SNTG1: variants seen among roughly 807,000 people sequenced by gnomAD.
The protein encoded by SNTG1 is syntrophin gamma 1, also known as gamma-1-syntrophin.
In SNTG1, 39 loss-of-function variants were observed where a neutral mutation model predicts 74.7. That is an observed-to-expected ratio of 0.52 (90% CI 0.40 to 0.68). SNTG1 has a LOEUF of 0.68. Ranked by LOEUF, SNTG1 falls within the 30% of genes least tolerant of loss-of-function variation. The probability of loss-of-function intolerance (pLI) is 0.00; values close to 1 mark genes in which losing one functional copy is unlikely to be tolerated. For synonymous variants in SNTG1, 254 were observed against 217.1 expected (o/e 1.17, Z -1.49); for missense variants, 685 against 609.5 (o/e 1.12, Z -1.30).
intron 1 of SNTG1, among the ~76,000 whole-genome samples, chr8:49,984,393 C>T (rs556198969): frequency 4.2e-4 from 64 of 151,866 alleles, no homozygotes; most frequent in Non-Finnish European, 2.9e-4. Context: ...TTAGTAGAGA[C>T]GGGGTTTCAC....
chr8:50,004,540 G>A (rs1206900792), intron 1 of SNTG1, among the ~76,000 whole-genome samples: 2 of 151,966 alleles, frequency 1.3e-5, no homozygotes, highest in East Asian at 1.9e-4. Context: ...TCCCCAACAC[G>A]TCCTTTGCCA....
chr8:50,589,416 C>T (rs772560976), intron 12 of SNTG1, among the ~76,000 whole-genome samples: 9 of 152,114 alleles, frequency 5.9e-5, no homozygotes, highest in Non-Finnish European at 7.4e-5. Flanking sequence ...CAGGACAAGA[C>T]GTCTGTGCTT....
chr8:50,152,982 T>A (rs1336322341), intron 1 of SNTG1, among the ~76,000 whole-genome samples: 1 of 152,230 alleles, frequency 6.6e-6, no homozygotes, highest in Non-Finnish European at 1.5e-5. Context: ...TTCTCCTGGA[T>A]AATATCATGA....
intron 12 of SNTG1, among the ~76,000 whole-genome samples, chr8:50,555,132 C>G (rs1468524084): frequency 1.3e-5 from 2 of 152,158 alleles, no homozygotes; most frequent in Non-Finnish European, 2.9e-5. Context: ...GGACAAGCCG[C>G]ATTTTACTGC....
At chr8:50,719,245 A>G (rs904793808) in intron 17 of SNTG1, among the ~76,000 whole-genome samples, 2 of 152,196 alleles carry the variant, frequency 1.3e-5, no homozygotes, top group Non-Finnish European at 2.9e-5. Flanking sequence ...CATTAGGAGG[A>G]GAGCCTTTCG....
intron 1 of SNTG1, among the ~76,000 whole-genome samples, chr8:49,965,881 C>T (rs1811091930): frequency 6.6e-6 from 1 of 152,124 alleles, no homozygotes; most frequent in East Asian, 1.9e-4. Context: ...CATCTCCTTT[C>T]ATTTTACCTT....
chr8:50,089,935 C>G (rs1195141157), intron 1 of SNTG1, among the ~76,000 whole-genome samples: 1 of 152,158 alleles, frequency 6.6e-6, no homozygotes, highest in Non-Finnish European at 1.5e-5. Context: ...ATAAATCATG[C>G]TGCTATAAAG....
intron 13 of SNTG1, among the ~76,000 whole-genome samples, chr8:50,630,872 G>C (rs541938261): frequency 6.6e-6 from 1 of 152,296 alleles, no homozygotes; most frequent in African/African-American, 2.4e-5. Context: ...TAGGCTCTCT[G>C]CCTAACCTTT....
intron 13 of SNTG1, among the ~76,000 whole-genome samples, chr8:50,613,523 A>G (rs1420755568): frequency 1.3e-5 from 2 of 152,166 alleles, no homozygotes; most frequent in African/African-American, 4.8e-5. Flanking sequence ...TTTTAGCTAT[A>G]CTCTTTCATA....
rs989397731 is a variant in SNTG1, at chr8:50,552,997, C to A, written c.681-53C>A. 21 of 1,602,992 alleles carry A rather than the reference C, an allele frequency of 1.3e-5. No individual in the cohort carries two copies. In the African/African-American group the frequency reaches 2.7e-4, roughly 20 times the overall value. On this transcript the variant is annotated intron_variant, in intron 11 of 18. Coordinates refer to ENST00000642720, the MANE Select transcript of SNTG1 (RefSeq NM_018967.5). Reference sequence around the variant, plus strand: ...TTTCAACAGATACTATTACGAGCTGCAAATAGATCAATGACATGAGGTTTT... The same window carrying A: ...TTTCAACAGATACTATTACGAGCTGAAAATAGATCAATGACATGAGGTTTT...
chr8:50,036,778 G>A (rs1445450788), intron 1 of SNTG1, among the ~76,000 whole-genome samples: 1 of 152,150 alleles, frequency 6.6e-6, no homozygotes, highest in Non-Finnish European at 1.5e-5. Flanking sequence ...AGCATTCTCT[G>A]TAAGTTTAGA....
At chr8:50,229,848 A>C (rs2085527739) in intron 2 of SNTG1, among the ~76,000 whole-genome samples, 1 of 151,500 alleles carries the variant, frequency 6.6e-6, no homozygotes, top group African/African-American at 2.4e-5. Flanking sequence ...ATACACATTA[A>C]CATATTTAAA....
At chr8:50,710,874 C>A (rs879314304) in intron 17 of SNTG1, among the ~76,000 whole-genome samples, 1 of 152,158 alleles carries the variant, frequency 6.6e-6, no homozygotes, top group Non-Finnish European at 1.5e-5. Flanking sequence ...GCACCAGAGG[C>A]CTTCAGGAAT....
At chr8:50,548,423 T>G (rs944951984) in intron 11 of SNTG1, among the ~76,000 whole-genome samples, 1 of 152,150 alleles carries the variant, frequency 6.6e-6, no homozygotes, top group Non-Finnish European at 1.5e-5. Context: ...AACAGAAATG[T>G]GAGAATTCAA....
At chr8:50,000,982 A>G (rs939017241) in intron 1 of SNTG1, among the ~76,000 whole-genome samples, 1 of 152,234 alleles carries the variant, frequency 6.6e-6, no homozygotes, top group Admixed American at 6.5e-5. Flanking sequence ...CCAGAAACTT[A>G]TGTTAAAGAT....
chr8:50,397,420 G>A lies in SNTG1; in HGVS notation c.27+3155G>A, dbSNP rs546480843. 6.5e-4 allele frequency among the ~76,000 whole-genome samples: 99 copies of A among 152,180 alleles called. 1 individual carries two copies. The highest frequency in any genetic ancestry group is 3.5e-3 in the Admixed American group (54 of 15,282). On this transcript the variant is annotated intron_variant, in intron 3 of 18. Transcript: ENST00000642720. ...CAGGTGGGGCTGTTTTAGGTTTGCA[G>A]CACCAACCTGCAGCTGCTCCCATGA...
chr8:50,532,172 T>C (rs1223724144), intron 10 of SNTG1, among the ~76,000 whole-genome samples: 1 of 152,188 alleles, frequency 6.6e-6, no homozygotes, highest in Non-Finnish European at 1.5e-5. Context: ...TTGACATTGC[T>C]GAAGATATTT....
intron 8 of SNTG1, among the ~76,000 whole-genome samples, chr8:50,480,021 T>A (rs2093727076): frequency 6.6e-6 from 1 of 152,184 alleles, no homozygotes; most frequent in African/African-American, 2.4e-5. Flanking sequence ...GACTTTAAAA[T>A]AGTGAGACCT....
intron 2 of SNTG1, among the ~76,000 whole-genome samples, chr8:50,178,169 C>T (rs1379931682): frequency 6.6e-6 from 1 of 152,172 alleles, no homozygotes; most frequent in Non-Finnish European, 1.5e-5. Context: ...CATAAGCTTT[C>T]AAATCCATTG....
Sources: allele counts gnomAD v4.1 joint callset (sites outside exome capture counted in the v4.1 genomes callset), GRCh38; gene constraint gnomAD v4.1.1; transcripts MANE v1.5; gene names NCBI Gene and HGNC (gene_info 2026-07-23, HGNC 2026-07-21).